RBFOX1: variants seen among roughly 807,000 people sequenced by gnomAD.
RBFOX1 encodes the protein RNA binding protein fox-1 homolog 1.
RBFOX1 carries 8 observed loss-of-function variants against 57.7 expected under a neutral mutation model. The ratio of observed to expected loss-of-function variants is 0.14; its 90% CI spans 0.08 to 0.25. RBFOX1 has a LOEUF of 0.25. Ranked by LOEUF, RBFOX1 falls within the 10% of genes least tolerant of loss-of-function variation. The pLI, the probability that RBFOX1 is intolerant of heterozygous loss-of-function variation, is 1.00. For missense variants in RBFOX1, 611 were observed against 548.5 expected (o/e 1.11, Z -1.14); for synonymous variants, 326 against 222.4 (o/e 1.47, Z -4.15).
At chr16:6,985,773 G>A (rs1021370519) in intron 3 of RBFOX1, among the ~76,000 whole-genome samples, 2 of 142,570 alleles carry the variant, frequency 1.4e-5, no homozygotes, top group African/African-American at 2.7e-5. Context: ...GGCAGAGGTT[G>A]CAATGAGCTT....
intron 2 of RBFOX1, among the ~76,000 whole-genome samples, chr16:6,461,012 C>G (rs1007897973): frequency 3.3e-5 from 5 of 152,000 alleles, no homozygotes; most frequent in African/African-American, 1.2e-4. Context: ...AACAGAAAAC[C>G]AAACACTGCA....
rs369251861 is a variant in RBFOX1 at position 7,147,788 on chromosome 16, G to T, written c.27+95690G>T. 5.9e-5 allele frequency among the ~76,000 whole-genome samples: 9 copies of T among 152,262 alleles called. No individual in the cohort carries two copies. The South Asian group carries it at 1.0e-3, about 18-fold the overall frequency. ...AGAGCTGCAGTGAACATGTGAGTGC[G>T]TGTGTCTTTTTGGTAGAACGATTTA... On this transcript the variant is annotated intron_variant, in intron 4 of 15. Transcript: ENST00000550418.
At chr16:5,372,587 C>G (rs893012955) in intron 1 of RBFOX1, among the ~76,000 whole-genome samples, 1 of 152,168 alleles carries the variant, frequency 6.6e-6, no homozygotes, top group African/African-American at 2.4e-5. Context: ...GGAGGTGATG[C>G]TGACTGCCCC....
At position 6,311,112 on chromosome 16, in the gene RBFOX1, T is replaced by C. The variant is rs140885193; in HGVS notation, c.-126-5883T>C. On this transcript the variant is annotated intron_variant, in intron 1 of 15. Transcript: ENST00000550418. ...GAGTTCAAGACCAGCCTGGCCGACA[T>C]GGTGAAACCCTGTCTCTACTAAAAA... Among the ~76,000 whole-genome samples the C allele has an allele frequency of 3.3e-3, 498 of 151,836 alleles. 2 individuals are homozygous for C. The highest frequency in any genetic ancestry group is 5.8e-3 in the Non-Finnish European group (391 of 67,902).
At chr16:5,475,382 T>A (rs1473154423) in intron 2 of RBFOX1, among the ~76,000 whole-genome samples, 1 of 152,204 alleles carries the variant, frequency 6.6e-6, no homozygotes, top group Non-Finnish European at 1.5e-5. Flanking sequence ...AACCCTTGTT[T>A]CTCTAAGATT....
chr16:7,626,274 C>T (rs2060054366), intron 10 of RBFOX1, among the ~76,000 whole-genome samples: 1 of 152,220 alleles, frequency 6.6e-6, no homozygotes, highest in African/African-American at 2.4e-5. Flanking sequence ...CCCTTCTAGG[C>T]TTGTGCCTGC....
chr16:5,921,207 C>T (rs1435672375), intron 4 of RBFOX1, among the ~76,000 whole-genome samples: 2 of 152,228 alleles, frequency 1.3e-5, no homozygotes. Flanking sequence ...AACAAGAGTT[C>T]TGGTCCCATT....
chr16:7,576,550 G>C (rs1310531570), intron 5 of RBFOX1, among the ~76,000 whole-genome samples: 3 of 152,040 alleles, frequency 2.0e-5, no homozygotes, highest in Admixed American at 1.3e-4. Context: ...CTCCATAACA[G>C]TTTATACGCA....
At chr16:7,059,972 G>T (rs1010323725) in intron 4 of RBFOX1, among the ~76,000 whole-genome samples, 1 of 152,124 alleles carries the variant, frequency 6.6e-6, no homozygotes. Context: ...CTTAGCTGTG[G>T]GTGAGAAGAC....
In RBFOX1 at chr16:6,671,707, A is replaced by C. The variant is rs1304516696; in HGVS notation, c.-16+17057A>C. Among the ~76,000 whole-genome samples, 4 of 152,224 alleles carry C rather than the reference A, an allele frequency of 2.6e-5. 1 individual carries two copies. Among genetic ancestry groups the C allele is most frequent in the African/African-American group, 9.6e-5 (4 of 41,464 alleles). ...TTAGCTCCCACTTAGGAGTGAGGAC[A>C]TACGATGTTTGGTTTTCCATTTCTG... is the stretch of plus-strand genomic sequence containing the variant. On this transcript the variant is annotated intron_variant, in intron 3 of 15. Coordinates refer to ENST00000550418, the MANE Select transcript of RBFOX1 (RefSeq NM_018723.4).
intron 4 of RBFOX1, among the ~76,000 whole-genome samples, chr16:5,995,522 A>G (rs1186298984): frequency 6.6e-6 from 1 of 152,256 alleles, no homozygotes; most frequent in Admixed American, 6.5e-5. Context: ...CAAGTGGAAT[A>G]AGGATACAGA....
chr16:5,977,244 T>A (rs2060083076), intron 4 of RBFOX1, among the ~76,000 whole-genome samples: 1 of 152,186 alleles, frequency 6.6e-6, no homozygotes, highest in South Asian at 2.1e-4. Context: ...TGATGATGGC[T>A]CCTCACCACC....
chr16:7,009,564 A>C (rs1157530966), intron 3 of RBFOX1, among the ~76,000 whole-genome samples: 2 of 152,128 alleles, frequency 1.3e-5, no homozygotes, highest in African/African-American at 4.8e-5. Context: ...GATAGGAATG[A>C]AAGTGCAGCA....
intron 2 of RBFOX1, among the ~76,000 whole-genome samples, chr16:6,471,729 G>T (rs772583689): frequency 1.3e-5 from 2 of 152,076 alleles, no homozygotes; most frequent in Non-Finnish European, 2.9e-5. Context: ...CTCAGCATTG[G>T]GGTATTTTGC....
chr16:7,065,647 T>G (rs902287274), intron 4 of RBFOX1, among the ~76,000 whole-genome samples: 5 of 152,208 alleles, frequency 3.3e-5, no homozygotes, highest in Non-Finnish European at 7.3e-5. Flanking sequence ...CTTACCTTAT[T>G]TTTTAGGGTA....
chr16:6,687,218 A>T (rs537575690), intron 3 of RBFOX1, among the ~76,000 whole-genome samples: 5 of 152,246 alleles, frequency 3.3e-5, no homozygotes, highest in African/African-American at 9.6e-5. Context: ...TCTGACTTAG[A>T]AGTAGGAGCT....
chr16:5,672,540 G>A (rs2050043127), intron 3 of RBFOX1, among the ~76,000 whole-genome samples: 1 of 152,188 alleles, frequency 6.6e-6, no homozygotes, highest in South Asian at 2.1e-4. Flanking sequence ...TGTGGAAACA[G>A]TAAGTGCGCC....
intron 4 of RBFOX1, among the ~76,000 whole-genome samples, chr16:7,182,311 C>T (rs190152686): frequency 6.6e-6 from 1 of 151,966 alleles, no homozygotes; most frequent in Admixed American, 6.5e-5. Context: ...AGTCACCTGC[C>T]CCCCTGCAAA....
At chr16:5,836,109 C>T (rs2151837251) in intron 3 of RBFOX1, among the ~76,000 whole-genome samples, 1 of 152,330 alleles carries the variant, frequency 6.6e-6, no homozygotes, top group African/African-American at 2.4e-5. Flanking sequence ...AGTCGTGAGG[C>T]TGTGCAGTGA....
Sources: allele counts gnomAD v4.1 joint callset (sites outside exome capture counted in the v4.1 genomes callset), GRCh38; gene constraint gnomAD v4.1.1; transcripts MANE v1.5; gene names NCBI Gene and HGNC (gene_info 2026-07-23, HGNC 2026-07-21).